ZNF48: variants seen among roughly 807,000 people sequenced by gnomAD.
The protein encoded by ZNF48 is zinc finger protein 553.
In ZNF48, 20 loss-of-function variants were observed where a neutral mutation model predicts 40.0. That is an observed-to-expected ratio of 0.50 (90% CI 0.35 to 0.73). The LOEUF (loss-of-function observed/expected upper bound fraction) is 0.73, where lower values mean the gene tolerates loss of function less well. Ranked by LOEUF, ZNF48 falls within the 30% of genes least tolerant of loss-of-function variation. ZNF48 has a pLI of 0.01. For missense variants in ZNF48, 726 were observed against 851.9 expected, an observed-to-expected ratio of 0.85 and a Z score of 1.84; for synonymous variants, 298 against 329.7, an observed-to-expected ratio of 0.90 and a Z score of 1.04.
chr16:30,392,731 T>C (rs528008147), upstream of ZNF48, among the ~76,000 whole-genome samples: 1 of 152,292 alleles, frequency 6.6e-6, no homozygotes, highest in South Asian at 2.1e-4. Flanking sequence ...AACCACACTC[T>C]GCATAAATGG....
In ZNF48 at chr16:30,398,065, A is replaced by G. The variant is rs1383531153; in HGVS notation, c.815A>G (p.Asp272Gly). Reference sequence around the variant, plus strand: ...GCTACCCAGGGACCGAAGGCCCAGGACAAGCCATATATCTGCACTGATTGC... The same window carrying G: ...GCTACCCAGGGACCGAAGGCCCAGGGCAAGCCATATATCTGCACTGATTGC... ...TAATQGPKAQ[D>G]KPYICTDCGK... is the part of the protein sequence containing the mutation. The change falls in exon 3 of 3, where the codon GAC becomes GGC. Residue 272 changes from aspartate (D) to glycine (G), a missense_variant. Physicochemically the swap from Asp to Gly is moderately conservative, Grantham distance 94 (BLOSUM62 -1). Coordinates refer to ENST00000613509, the MANE Select transcript of ZNF48 (RefSeq NM_001214909.2). This position sits in a 1 kb window ranked among gnomAD's most constrained non-coding sequence, Gnocchi z 6.6. 6.2e-7 allele frequency: 1 copy of G among 1,612,992 alleles called. No homozygotes were observed. The highest frequency in any genetic ancestry group is 1.1e-5 in the South Asian group (1 of 90,920).
At position 30,382,686 on chromosome 16, in the gene ZNF48, T is replaced by G. The variant is rs1389698780; in HGVS notation, c.-16+4276T>G. 2.0e-6 allele frequency: 3 copies of G among 1,532,796 alleles called. No homozygotes were observed. Among genetic ancestry groups the G allele is most frequent in the African/African-American group, 2.7e-5 (2 of 72,866 alleles). The allele number at this position is 1,532,796 out of a possible 1,614,324, so 94.9% of individuals were successfully genotyped here. A position where few individuals can be genotyped will look rare whatever the true frequency, so the allele number is the denominator to read the frequency against. Reference sequence around the variant, plus strand: ...TGGGGAAGGCCAAGGCCAAGAACACTTGGGGTTGCCACCTCCTGGACCCCT... The same window carrying G: ...TGGGGAAGGCCAAGGCCAAGAACACGTGGGGTTGCCACCTCCTGGACCCCT... On this transcript the variant is annotated intron_variant, in intron 1 of 2. Coordinates refer to the ZNF48 transcript ENST00000528032. This position sits in a 1 kb window ranked among gnomAD's most constrained non-coding sequence, Gnocchi z 4.8.
Position 30,381,494 on chromosome 16 carries a change from T to A in ZNF48, c.-16+3084T>A. 2 of 1,613,480 alleles carry A rather than the reference T, an allele frequency of 1.2e-6. No homozygotes were observed. The highest frequency in any genetic ancestry group is 1.7e-6 in the Non-Finnish European group (2 of 1,179,814). On this transcript the variant is annotated intron_variant, in intron 1 of 2. Transcript: ENST00000528032. The surrounding 1 kb of genome is among the most constrained non-coding windows in gnomAD (Gnocchi z 4.3). Reference sequence around the variant, plus strand: ...GCCAGCTGGGTGTGGGGAGAGGATGTGAGGTCAGAGATCAAAGGCCAGAGG... The same window carrying A: ...GCCAGCTGGGTGTGGGGAGAGGATGAGAGGTCAGAGATCAAAGGCCAGAGG...
rs757189868 is a variant in ZNF48 at position 30,381,720 on chromosome 16, T to C, written c.-16+3310T>C. On this transcript the variant is annotated intron_variant, in intron 1 of 2. Coordinates refer to the ZNF48 transcript ENST00000528032. This position sits in a 1 kb window ranked among gnomAD's most constrained non-coding sequence, Gnocchi z 4.3. ...CTGTAACTCTCCAGGGAGTCGCCAC[T>C]GTGAAAGGCTGAGCCTCTGTCCCCT... The C allele has an allele frequency of 3.7e-6, 6 of 1,609,304 alleles. No individual in the cohort carries two copies. In the Admixed American group the frequency reaches 1.0e-4, roughly 27 times the overall value.
chr16:30,393,683 C>T (rs1354656118), upstream of ZNF48, among the ~76,000 whole-genome samples: 1 of 152,082 alleles, frequency 6.6e-6, no homozygotes, highest in Non-Finnish European at 1.5e-5. Context: ...CTGCACCTGG[C>T]CGGGTCCATA....
rs1567434453 is a variant in ZNF48, at chr16:30,397,952, C to T, written c.702C>T (p.Ala234=). The part of the protein sequence containing the change: ...ICGKGFGDSS[A]RIKHQRTHRG... ...GCAAGGGCTTTGGCGACAGTTCCGCCCGCATCAAGCACCAGCGGACACACC... is the reference window on the plus strand; with the variant it reads ...GCAAGGGCTTTGGCGACAGTTCCGCTCGCATCAAGCACCAGCGGACACACC... The change falls in exon 3 of 3, where the codon GCC becomes GCT. Residue 234 remains alanine, a synonymous_variant. Transcript: ENST00000613509. This position sits in a 1 kb window ranked among gnomAD's most constrained non-coding sequence, Gnocchi z 4.1. 4 of 1,612,934 alleles carry T rather than the reference C, an allele frequency of 2.5e-6. No individual in the cohort carries two copies. In the Middle Eastern group the frequency reaches 4.9e-4, roughly 199 times the overall value.
rs144317625 is a variant in ZNF48 at position 30,385,633 on chromosome 16, GA to G, written c.-16+7231del. ...AGCAAGACTCTGTCTCAAAAAAAAGGAAAAAAAACTTTCTGAACTCCTCCCA... is the reference window on the plus strand; with the variant it reads ...AGCAAGACTCTGTCTCAAAAAAAAGGAAAAAAACTTTCTGAACTCCTCCCA... On this transcript the variant is annotated intron_variant, in intron 1 of 2. Coordinates refer to the ZNF48 transcript ENST00000528032. 9.7e-3 allele frequency among the ~76,000 whole-genome samples: 1,467 copies of G among 151,650 alleles called. 31 individuals are homozygous for G. The highest frequency in any genetic ancestry group is 0.034 in the African/African-American group (1,404 of 41,328).
At chr16:30,378,750 G>C (rs200612718) in intron 1 of ZNF48, 6 of 1,562,416 alleles carry the variant, frequency 3.8e-6, no homozygotes, top group Non-Finnish European at 3.5e-6. Flanking sequence ...ACCTGAGGTT[G>C]TGGGTGAGGC....
intron 1 of ZNF48, among the ~76,000 whole-genome samples, chr16:30,384,706 C>A (rs1053856284): frequency 6.7e-6 from 1 of 148,754 alleles, no homozygotes; most frequent in Admixed American, 6.7e-5. Flanking sequence ...GTGAAACCCC[C>A]GTCTCTACTA....
intron 1 of ZNF48, chr16:30,380,209 T>C (rs535625909): frequency 1.2e-4 from 53 of 430,788 alleles, no homozygotes; most frequent in African/African-American, 9.8e-4. Flanking sequence ...CTCAGAGACA[T>C]AGATGGTGAG....
rs765793245 is a variant in ZNF48, at chr16:30,381,346, C to T, written c.-16+2936C>T. The T allele has an allele frequency of 1.5e-5, 24 of 1,613,046 alleles. No homozygotes were observed. The highest frequency in any genetic ancestry group is 1.3e-4 in the Admixed American group (8 of 59,926). ...AGGATCCCCCCACCAGACCCCCGGC[C>T]GAAGGGTGAGATGAAGTAGAGGCAG... On this transcript the variant is annotated intron_variant, in intron 1 of 2. Coordinates refer to the ZNF48 transcript ENST00000528032. This position sits in a 1 kb window ranked among gnomAD's most constrained non-coding sequence, Gnocchi z 4.3.
chr16:30,397,250 G>T lies in ZNF48; in HGVS notation c.80-80G>T. 1 of 1,291,612 alleles carries T rather than the reference G, an allele frequency of 7.7e-7. No homozygotes were observed. Among genetic ancestry groups the T allele is most frequent in the Non-Finnish European group, 1.1e-6 (1 of 929,794 alleles). The allele number at this position is 1,291,612 out of a possible 1,614,324, so 80.0% of individuals were successfully genotyped here. A position where few individuals can be genotyped will look rare whatever the true frequency, so the allele number is the denominator to read the frequency against. On this transcript the variant is annotated intron_variant, in intron 2 of 2. Transcript: ENST00000613509. This position sits in a 1 kb window ranked among gnomAD's most constrained non-coding sequence, Gnocchi z 4.1. ...TTCCTGTGACCACAGATTGTCAAGG[G>T]AGTCTTCCTGGAGAGGTTGCTGTCA...
rs780342460 is a variant in ZNF48, at chr16:30,381,356, G to C, written c.-16+2946G>C. ...CACCAGACCCCCGGCCGAAGGGTGAGATGAAGTAGAGGCAGCAGTGGACTC... is the reference window on the plus strand; with the variant it reads ...CACCAGACCCCCGGCCGAAGGGTGACATGAAGTAGAGGCAGCAGTGGACTC... On this transcript the variant is annotated intron_variant, in intron 1 of 2. Transcript: ENST00000528032. This position sits in a 1 kb window ranked among gnomAD's most constrained non-coding sequence, Gnocchi z 4.3. 6.2e-7 allele frequency: 1 copy of C among 1,613,308 alleles called. No homozygotes were observed. The highest frequency in any genetic ancestry group is 1.7e-5 in the Admixed American group (1 of 59,964).
rs568381075 is a variant in ZNF48 at position 30,381,015 on chromosome 16, A to G, written c.-16+2605A>G. On this transcript the variant is annotated intron_variant, in intron 1 of 2. Transcript: ENST00000528032. This position sits in a 1 kb window ranked among gnomAD's most constrained non-coding sequence, Gnocchi z 4.3. ...GCCTTCCTCAGAAGCTTCTCCTACA[A>G]TCTAGCCTGATGCACCATGCTCCAG... 4.5e-6 allele frequency: 4 copies of G among 893,174 alleles called. No individual in the cohort carries two copies. The highest frequency in any genetic ancestry group is 1.4e-5 in the South Asian group (1 of 70,572). 55.3% of individuals were successfully genotyped at this position (893,174 alleles called of 1,614,324 possible).
upstream of ZNF48, among the ~76,000 whole-genome samples, chr16:30,392,727 A>T (rs188303088): frequency 6.6e-6 from 1 of 152,254 alleles, no homozygotes; most frequent in East Asian, 1.9e-4. Context: ...CAAGAACCAC[A>T]CTCTGCATAA....
intron 1 of ZNF48, among the ~76,000 whole-genome samples, chr16:30,389,816 G>GT (rs56373430): frequency 0.019 from 435 of 22,486 alleles, 163 homozygotes; most frequent in East Asian, 0.025. Flanking sequence ...ATTTGGATTA[G>GT]TTTTTTTTTT....
At chr16:30,385,721 T>C (rs1339960252) in intron 1 of ZNF48, among the ~76,000 whole-genome samples, 1 of 152,112 alleles carries the variant, frequency 6.6e-6, no homozygotes, top group African/African-American at 2.4e-5. Flanking sequence ...TCAGAAAAAT[T>C]GGTCCCCTTT....
intron 1 of ZNF48, chr16:30,379,638 C>CTTTTTTTT: frequency 1.0e-5 from 3 of 295,622 alleles, no homozygotes; most frequent in Non-Finnish European, 1.1e-5. Flanking sequence ...CTGCCCCTTC[C>CTTTTTTTT]TCTTTTTTTT....
chr16:30,384,790 A>T (rs192722063), intron 1 of ZNF48, among the ~76,000 whole-genome samples: 2 of 151,764 alleles, frequency 1.3e-5, no homozygotes, highest in Non-Finnish European at 2.9e-5. Context: ...AGGCAGGAGA[A>T]TTGCTAGAAC....
Sources: allele counts gnomAD v4.1 joint callset (sites outside exome capture counted in the v4.1 genomes callset), GRCh38; gene constraint gnomAD v4.1.1; non-coding constraint Gnocchi (gnomAD v3.1); transcripts MANE v1.5; gene names NCBI Gene and HGNC (gene_info 2026-07-23, HGNC 2026-07-21).